MAP3K20: variants seen among roughly 807,000 people sequenced by gnomAD.
MAP3K20 encodes the protein mitogen-activated protein kinase kinase kinase 20.
Under a neutral mutation model 85.7 loss-of-function variants are expected in MAP3K20, and 40 were observed. That is an observed-to-expected ratio of 0.47 (90% confidence interval 0.36 to 0.61). MAP3K20 has a LOEUF of 0.61. Among genes scored for constraint, MAP3K20 ranks in the 20% least tolerant of loss-of-function variants. MAP3K20 has a pLI of 0.00. For synonymous variants in MAP3K20, 325 were observed against 327.7 expected (o/e 0.99, Z 0.09); for missense variants, 817 against 961.7 (o/e 0.85, Z 1.99).
intron 2 of MAP3K20, among the ~76,000 whole-genome samples, chr2:173,104,662 A>G (rs1261652253): frequency 3.3e-5 from 5 of 152,216 alleles, no homozygotes; most frequent in African/African-American, 9.6e-5. Context: ...AAGAAGAACT[A>G]TCTGTACCAT....
chr2:173,100,749 A>C (rs763787518), intron 2 of MAP3K20, among the ~76,000 whole-genome samples: 2 of 152,192 alleles, frequency 1.3e-5, no homozygotes, highest in Non-Finnish European at 2.9e-5. Context: ...ATTTCTGCTT[A>C]AGGAATTTTA....
chr2:173,225,798 A>AC (rs1684371633), intron 11 of MAP3K20: 1 of 984,894 alleles, frequency 1.0e-6, no homozygotes, highest in African/African-American at 1.8e-5. Flanking sequence ...ATCTTAAATC[A>AC]CCATTTCCCT....
intron 16 of MAP3K20, among the ~76,000 whole-genome samples, chr2:173,249,533 G>A (rs1265824705): frequency 1.3e-5 from 2 of 152,162 alleles, no homozygotes; most frequent in Non-Finnish European, 2.9e-5. Flanking sequence ...AAGTCATGGG[G>A]TGGGAGGAGA....
chr2:173,169,704 A>C (rs1278131278), intron 2 of MAP3K20, 101 bp from the exon 3 acceptor site: 1 of 1,160,392 alleles, frequency 8.6e-7, no homozygotes, highest in African/African-American at 1.6e-5. Context: ...TGGACAACAC[A>C]GCAAGACCCT....
chr2:173,155,525 A>G (rs1689441898), intron 2 of MAP3K20, among the ~76,000 whole-genome samples: 1 of 152,212 alleles, frequency 6.6e-6, no homozygotes, highest in Non-Finnish European at 1.5e-5. Flanking sequence ...GTGAAAGAGG[A>G]AACTAACTGG....
chr2:173,260,204 G>A (rs1685256110), intron 17 of MAP3K20, among the ~76,000 whole-genome samples: 1 of 151,826 alleles, frequency 6.6e-6, no homozygotes, highest in Admixed American at 6.6e-5. Flanking sequence ...CCATCTCTAC[G>A]AAAAATACAA....
At position 173,149,684 on chromosome 2, in the gene MAP3K20, G is replaced by A. The variant is rs552465930; in HGVS notation, c.160-20121G>A. Reference sequence around the variant, plus strand: ...TTCTTACCTGAGTGCTGAGTACTGAGGAGTACTGCCTTAGGAAGAATGCAC... The same window carrying A: ...TTCTTACCTGAGTGCTGAGTACTGAAGAGTACTGCCTTAGGAAGAATGCAC... On this transcript the variant is annotated intron_variant, in intron 2 of 19. Transcript: ENST00000375213. Among the ~76,000 whole-genome samples the A allele has an allele frequency of 1.1e-3, 166 of 152,144 alleles. 2 individuals are homozygous for A. The highest frequency in any genetic ancestry group is 0.01 in the Middle Eastern group (3 of 294).
chr2:173,212,382 C>T (rs1683932498), intron 10 of MAP3K20: 1 of 151,984 alleles, frequency 6.6e-6, no homozygotes, highest in Non-Finnish European at 1.5e-5. Context: ...TGTCTGAGAG[C>T]ATATGGCCAT....
At chr2:173,081,412 C>T (rs1443552861) in intron 1 of MAP3K20, among the ~76,000 whole-genome samples, 1 of 152,032 alleles carries the variant, frequency 6.6e-6, no homozygotes, top group African/African-American at 2.4e-5. Context: ...TGTAATACCA[C>T]GTATGGGAAT....
intron 2 of MAP3K20, among the ~76,000 whole-genome samples, chr2:173,153,937 C>T (rs926429443): frequency 3.3e-5 from 5 of 151,946 alleles, no homozygotes; most frequent in African/African-American, 4.8e-5. Context: ...GGTCTGTAGT[C>T]GGTTGAATCC....
intron 3 of MAP3K20, among the ~76,000 whole-genome samples, chr2:173,174,840 A>G (rs923469278): frequency 9.2e-5 from 14 of 152,190 alleles, no homozygotes; most frequent in Admixed American, 7.2e-4. Context: ...GATGTTTGAA[A>G]TATCATGCTT....
At chr2:173,215,329 C>T (rs1684039818) in intron 10 of MAP3K20, among the ~76,000 whole-genome samples, 1 of 152,162 alleles carries the variant, frequency 6.6e-6, no homozygotes. Flanking sequence ...GAAGATGGCT[C>T]ACTCTTTTCT....
intron 2 of MAP3K20, among the ~76,000 whole-genome samples, chr2:173,151,469 C>G (rs1173619594): frequency 6.6e-6 from 1 of 152,162 alleles, no homozygotes; most frequent in Admixed American, 6.5e-5. Context: ...GTATCAGAAG[C>G]CAGCCTAGAA....
chr2:173,161,958 C>T (rs551043464), intron 2 of MAP3K20, among the ~76,000 whole-genome samples: 17 of 152,214 alleles, frequency 1.1e-4, no homozygotes, highest in Middle Eastern at 3.4e-3. Flanking sequence ...TCTTTCCATG[C>T]AAATAAATAT....
At chr2:173,105,466 A>C (rs1214398274) in intron 2 of MAP3K20, among the ~76,000 whole-genome samples, 4 of 152,254 alleles carry the variant, frequency 2.6e-5, no homozygotes, top group Non-Finnish European at 5.9e-5. Flanking sequence ...ATGAACAATT[A>C]GAATCTGCCA....
chr2:173,161,085 A>C (rs1411031656), intron 2 of MAP3K20, among the ~76,000 whole-genome samples: 2 of 152,056 alleles, frequency 1.3e-5, no homozygotes, highest in Non-Finnish European at 2.9e-5. Flanking sequence ...TAATCCTAAA[A>C]CCCTACATTT....
intron 4 of MAP3K20, among the ~76,000 whole-genome samples, chr2:173,185,944 G>GT (rs553087505): frequency 7.9e-5 from 12 of 152,246 alleles, no homozygotes; most frequent in Admixed American, 3.3e-4. Context: ...CCTGATGAAA[G>GT]TATTTTTCAG....
intron 16 of MAP3K20, among the ~76,000 whole-genome samples, chr2:173,253,879 A>C (rs1423307069): frequency 6.6e-6 from 1 of 151,764 alleles, no homozygotes; most frequent in Non-Finnish European, 1.5e-5. Context: ...ACCAGCCTGG[A>C]CAACATAGTG....
rs144956496 is a variant in MAP3K20, at chr2:173,129,350, A to G, written c.159+38160A>G. Among the ~76,000 whole-genome samples the G allele has an allele frequency of 2.1e-3, 327 of 152,300 alleles. 1 individual carries two copies. Among genetic ancestry groups the G allele is most frequent in the African/African-American group, 7.6e-3 (316 of 41,556 alleles). ...ATTATTTCATTTCATTCTTACCACA[A>G]TCCTGTGAGGTAAGCACTATCATAG... On this transcript the variant is annotated intron_variant, in intron 2 of 19. Transcript: ENST00000375213.
Sources: allele counts gnomAD v4.1 joint callset (sites outside exome capture counted in the v4.1 genomes callset), GRCh38; gene constraint gnomAD v4.1.1; transcripts MANE v1.5; gene names NCBI Gene and HGNC (gene_info 2026-07-23, HGNC 2026-07-21).